MYO1H: variants seen among roughly 807,000 people sequenced by gnomAD.
MYO1H encodes myosin IH, also known as unconventional myosin-Ih.
Under a neutral mutation model 149.3 loss-of-function variants are expected in MYO1H, and 118 were observed. The observed-to-expected ratio is 0.79, with a 90% confidence interval of 0.68 to 0.92. The LOEUF (loss-of-function observed/expected upper bound fraction) is 0.92, where lower values mean the gene tolerates loss of function less well. Among genes scored for constraint, MYO1H ranks in the 40% least tolerant of loss-of-function variants. The pLI is 0.00. For missense variants in MYO1H, 1,212 were observed against 1,280.7 expected (o/e 0.95, Z 0.82); for synonymous variants, 447 against 465.2 (o/e 0.96, Z 0.50).
At chr12:109,391,939 T>C (rs1393935095) in intron 2 of MYO1H, among the ~76,000 whole-genome samples, 2 of 152,230 alleles carry the variant, frequency 1.3e-5, no homozygotes, top group South Asian at 4.1e-4. Context: ...TTGTTTAAAT[T>C]CCTTGTAGAC....
chr12:109,316,013 C>A, the MYO1H span, among the ~76,000 whole-genome samples: 1 of 152,132 alleles, frequency 6.6e-6, no homozygotes, highest in South Asian at 2.1e-4. Context: ...TAAGTATATT[C>A]TTCTTTGTAA....
chr12:109,337,000 A>G, the MYO1H span, among the ~76,000 whole-genome samples: 1 of 152,200 alleles, frequency 6.6e-6, no homozygotes, highest in Non-Finnish European at 1.5e-5. Context: ...ATGGGCAGAA[A>G]AAAACAGGAA....
At chr12:109,314,758 G>A in the MYO1H span, among the ~76,000 whole-genome samples, 3 of 152,152 alleles carry the variant, frequency 2.0e-5, no homozygotes, top group African/African-American at 7.2e-5. Context: ...CCAGGTGATT[G>A]TTTCTAAAGG....
chr12:109,415,736 T>C, intron 15 of MYO1H, 116 bp downstream of exon 15: 2 of 604,636 alleles, frequency 3.3e-6, no homozygotes, highest in Non-Finnish European at 5.2e-6. Context: ...TTCCCTAACC[T>C]CGCGTTCAAG....
the MYO1H span, among the ~76,000 whole-genome samples, chr12:109,324,216 C>G: frequency 1.3e-5 from 2 of 152,276 alleles, 1 homozygote; most frequent in South Asian, 4.1e-4. Context: ...TACAGGTGGC[C>G]TTTCCATGCG....
chr12:109,395,625 C>T (rs1216333889), intron 3 of MYO1H, among the ~76,000 whole-genome samples: 2 of 151,774 alleles, frequency 1.3e-5, no homozygotes, highest in Non-Finnish European at 2.9e-5. Flanking sequence ...ATCCCAGCTA[C>T]TCGGGAGACC....
intron 1 of MYO1H, among the ~76,000 whole-genome samples, chr12:109,378,042 T>G (rs1327548835): frequency 5.3e-5 from 8 of 152,220 alleles, no homozygotes; most frequent in Non-Finnish European, 1.0e-4. Flanking sequence ...TATTGATAAC[T>G]CTTTTTCATC....
rs540839877 is a variant in MYO1H, at chr12:109,396,353, C to T, written c.291-31C>T. 79 of 1,562,366 alleles carry T rather than the reference C, an allele frequency of 5.1e-5. No homozygotes were observed. The South Asian group carries it at 7.2e-4, about 14-fold the overall frequency. On this transcript the variant is annotated intron_variant, in intron 3 of 31. Coordinates refer to ENST00000310903, the Ensembl canonical transcript of MYO1H. The stretch of plus-strand genomic sequence containing the variant: ...AGAGTCAAGGGAAGTACCATTAAAA[C>T]GAATTTGTTTCCGTCTCACTCCTCC...
chr12:109,313,702 A>G, the MYO1H span, among the ~76,000 whole-genome samples: 2 of 152,214 alleles, frequency 1.3e-5, no homozygotes, highest in South Asian at 2.1e-4. Context: ...AAAAGTGGAC[A>G]TAGCAGCTAA....
At chr12:109,321,214 A>G in the MYO1H span, among the ~76,000 whole-genome samples, 1 of 152,174 alleles carries the variant, frequency 6.6e-6, no homozygotes, top group African/African-American at 2.4e-5. Context: ...GATCTTTGCA[A>G]TGTCTAAACC....
intron 2 of MYO1H, among the ~76,000 whole-genome samples, chr12:109,389,886 A>T (rs1869568566): frequency 6.6e-6 from 1 of 152,206 alleles, no homozygotes; most frequent in South Asian, 2.1e-4. Context: ...ATACCAGAAG[A>T]AGTAAACAAG....
intron 10 of MYO1H, 34 bp downstream of exon 10, chr12:109,407,947 C>T: frequency 6.3e-7 from 1 of 1,599,500 alleles, no homozygotes; most frequent in Non-Finnish European, 8.5e-7. Flanking sequence ...CTTGCTCTTG[C>T]TCACGTGGTG....
At chr12:109,410,621 A>G in intron 12 of MYO1H, 67 bp from the exon 13 acceptor site, 1 of 1,142,822 alleles carries the variant, frequency 8.8e-7, no homozygotes, top group Non-Finnish European at 1.3e-6. Context: ...TAGAAAACCA[A>G]TTTAAAACCA....
intron 22 of MYO1H, among the ~76,000 whole-genome samples, chr12:109,437,211 C>T (rs1233763893): frequency 6.6e-6 from 1 of 152,176 alleles, no homozygotes; most frequent in Non-Finnish European, 1.5e-5. Flanking sequence ...ACAACACTCC[C>T]ACCCACACGC....
chr12:109,390,976 A>G (rs1869627586), intron 2 of MYO1H, among the ~76,000 whole-genome samples: 1 of 152,118 alleles, frequency 6.6e-6, no homozygotes, highest in African/African-American at 2.4e-5. Context: ...CTTTCACTCA[A>G]TGCCAGAGAG....
intron 15 of MYO1H, among the ~76,000 whole-genome samples, chr12:109,420,225 C>A (rs1050325843): frequency 2.0e-5 from 3 of 152,140 alleles, no homozygotes; most frequent in African/African-American, 7.2e-5. Flanking sequence ...GACAGCTCAT[C>A]AGGATTGAGT....
intron 1 of MYO1H, among the ~76,000 whole-genome samples, chr12:109,385,931 C>G (rs2137029551): frequency 6.6e-6 from 1 of 152,260 alleles, no homozygotes; most frequent in African/African-American, 2.4e-5. Context: ...ACAATTTTAA[C>G]AGTTTATCTT....
Position 109,446,334 on chromosome 12 carries a change from G to A in MYO1H, c.3093+722G>A, listed in dbSNP as rs531676631. The A allele has an allele frequency of 3.0e-5, 30 of 985,330 alleles. No individual in the cohort carries two copies. In the African/African-American group the frequency reaches 4.5e-4, roughly 15 times the overall value. The allele number at this position is 985,330 out of a possible 1,614,324, so 61.0% of individuals were successfully genotyped here. On this transcript the variant is annotated intron_variant, in intron 31 of 31. Coordinates refer to ENST00000310903, the Ensembl canonical transcript of MYO1H. ...GATCCAGTTTTGCTGAAAACGACAT[G>A]TTAAAAGCAGAGGGAGCTGAATCTT...
chr12:109,341,573 G>A, the MYO1H span, among the ~76,000 whole-genome samples: 1 of 151,846 alleles, frequency 6.6e-6, no homozygotes, highest in East Asian at 1.9e-4. Flanking sequence ...TTTCATATTG[G>A]GGAAGAGGAG....
Sources: allele counts gnomAD v4.1 joint callset (sites outside exome capture counted in the v4.1 genomes callset), GRCh38; gene constraint gnomAD v4.1.1; transcripts MANE v1.5; gene names NCBI Gene and HGNC (gene_info 2026-07-23, HGNC 2026-07-21).